Variants in MUC5AC observed in about 807,000 individuals in gnomAD.
MUC5AC encodes mucin-5AC.
In MUC5AC, 158 loss-of-function variants were observed where a neutral mutation model predicts 169.7. The ratio of observed to expected loss-of-function variants is 0.93; its 90% CI spans 0.82 to 1.06. MUC5AC has a LOEUF of 1.06. Among genes scored for constraint, MUC5AC ranks in the 50% least tolerant of loss-of-function variants. MUC5AC has a pLI of 0.00. For synonymous variants in MUC5AC, 1,975 were observed against 1,237.0 expected, an observed-to-expected ratio of 1.60 and a Z score of -12.52; for missense variants, 4,359 against 3,089.9, an observed-to-expected ratio of 1.41 and a Z score of -9.74.
At chr11:1,165,511 G>A in intron 10 of MUC5AC, 92 bp downstream of exon 10, 1 of 1,580,812 alleles carries the variant, frequency 6.3e-7, no homozygotes, top group Non-Finnish European at 8.6e-7. Context: ...TCCCTCGTCT[G>A]GGCTACGGTG....
In MUC5AC at chr11:1,184,822, C is replaced by G. The variant is rs1366867236; in HGVS notation, c.6677C>G (p.Pro2226Arg). 1.5e-6 allele frequency: 1 copy of G among 645,986 alleles called. No individual in the cohort carries two copies. The highest frequency in any genetic ancestry group is 2.8e-6 in the Non-Finnish European group (1 of 360,484). 40.0% of individuals were successfully genotyped at this position (645,986 alleles called of 1,614,324 possible). A position where few individuals can be genotyped will look rare whatever the true frequency, so the allele number is the denominator to read the frequency against. ...TPKGCPVTST[P>R]VTAPSTPSGR... is the part of the protein sequence containing the mutation. Reference sequence around the variant, plus strand: ...AAAGGCTGCCCCGTGACCTCCACACCTGTGACAGCTCCTAGCACCCCTAGT... The same window carrying G: ...AAAGGCTGCCCCGTGACCTCCACACGTGTGACAGCTCCTAGCACCCCTAGT... Residue 2226 changes from proline (P) to arginine (R), a missense_variant, in exon 31 of 49, where the codon CCT becomes CGT. Transcript: ENST00000621226.
chr11:1,164,288 G>T lies in MUC5AC; in HGVS notation c.972G>T (p.Leu324Phe), dbSNP rs977799807. 4 of 1,612,472 alleles carry T rather than the reference G, an allele frequency of 2.5e-6. No individual in the cohort carries two copies. Among genetic ancestry groups the T allele is most frequent in the Non-Finnish European group, 3.4e-6 (4 of 1,179,854 alleles). Residue 324 changes from leucine to phenylalanine, a missense_variant, in exon 8 of 49, where the codon TTG becomes TTT. Transcript: ENST00000621226. ...GGCAGTGCACCCATGCAGGGGGGTTGCCCCAGGACTGGCGGGGCCCTGACT... is the reference window on the plus strand; with the variant it reads ...GGCAGTGCACCCATGCAGGGGGGTTTCCCCAGGACTGGCGGGGCCCTGACT... ...YSRQCTHAGG[L>F]PQDWRGPDFC...
At chr11:1,166,545 AAC>A (rs1338083213) in intron 11 of MUC5AC, among the ~76,000 whole-genome samples, 1 of 113,816 alleles carries the variant, frequency 8.8e-6, no homozygotes, top group Non-Finnish European at 1.8e-5. Context: ...CCCTGCACCC[AAC>A]ACACAGTCTC....
At chr11:1,162,418 G>A in intron 4 of MUC5AC, 114 bp from the exon 5 acceptor site, 1 of 1,091,062 alleles carries the variant, frequency 9.2e-7, no homozygotes, top group Non-Finnish European at 1.3e-6. Context: ...CCCCATCCCA[G>A]ACGCGACTTC....
At position 1,159,268 on chromosome 11, in the gene MUC5AC, TG is replaced by T. The variant is rs1374907478; in HGVS notation, c.73+1200del. 7.9e-5 allele frequency among the ~76,000 whole-genome samples: 12 copies of T among 152,296 alleles called. No individual in the cohort carries two copies. In the East Asian group the frequency reaches 2.3e-3, roughly 29 times the overall value. On this transcript the variant is annotated intron_variant, in intron 1 of 48. Coordinates refer to ENST00000621226, the MANE Select transcript of MUC5AC (RefSeq NM_001304359.2). ...GTTGCGGGAACTGGAAAGCTGGGGC[TG>T]GGGTGCAGGCGAATCACAGCTTTCC...
intron 33 of MUC5AC, 64 bp from the exon 34 acceptor site, chr11:1,194,045 GA>G (rs71025716): frequency 1 from 747,392 of 747,392 alleles, 373,696 homozygotes; most frequent in Non-Finnish European, 1. Context: ...CTGTTGGGAG[GA>G]AAGCCCCAGG....
In MUC5AC at chr11:1,186,784, C is replaced by CT; in HGVS notation, c.8640dup (p.Gly2881TrpfsTer289). The CT allele has an allele frequency of 1.3e-6, 1 of 742,056 alleles. No individual in the cohort carries two copies. Among genetic ancestry groups the CT allele is most frequent in the Non-Finnish European group, 2.5e-6 (1 of 406,272 alleles). 46.0% of individuals were successfully genotyped at this position (742,056 alleles called of 1,614,324 possible). A position where few individuals can be genotyped will look rare whatever the true frequency, so the allele number is the denominator to read the frequency against. On this transcript the variant is annotated frameshift_variant, in exon 31 of 49. Coordinates refer to ENST00000621226, the MANE Select transcript of MUC5AC (RefSeq NM_001304359.2). LOFTEE classifies it high-confidence loss of function. ...GCTACAACCAGCACAACCTCTGGCC[C>CT]TGGAACTACTCCCAGCCCTGTTCCC...
chr11:1,170,547 G>GCCCACTCACCCACTCA lies in MUC5AC; in HGVS notation c.1870+1540_1870+1555dup, dbSNP rs1233355456. The stretch of plus-strand genomic sequence containing the variant: ...CACCCATTCACCCATTCACTCACTC[G>GCCCACTCACCCACTCA]CCCACTCACCCACTCACCCACTCAC... On this transcript the variant is annotated intron_variant, in intron 15 of 48. Transcript: ENST00000621226. Among the ~76,000 whole-genome samples, 4 of 34,744 alleles carry GCCCACTCACCCACTCA rather than the reference G, an allele frequency of 1.2e-4. 1 individual carries two copies. The Admixed American group carries it at 1.2e-3, about 10-fold the overall frequency. 22.8% of individuals were successfully genotyped at this position (34,744 alleles called of 152,430 possible). A position where few individuals can be genotyped will look rare whatever the true frequency, so the allele number is the denominator to read the frequency against.
At chr11:1,163,785 C>T (rs1860216815) in intron 6 of MUC5AC, 97 bp from the exon 7 acceptor site, 1 of 967,716 alleles carries the variant, frequency 1.0e-6, no homozygotes, top group South Asian at 1.4e-5. Flanking sequence ...CTTCTAACCC[C>T]ACCCCAGGGA....
chr11:1,168,174 G>C (rs542149523), intron 12 of MUC5AC, among the ~76,000 whole-genome samples, 187 bp downstream of exon 12: 1 of 152,190 alleles, frequency 6.6e-6, no homozygotes, highest in Non-Finnish European at 1.5e-5. Context: ...GCTCAGGGCC[G>C]GGCCTCCCGG....
At position 1,193,002 on chromosome 11, in the gene MUC5AC, C is replaced by T. The variant is rs1463646801; in HGVS notation, c.14580+20C>T. ...AGAAAGGTAACCCCCTACTTCTCACCCTTCTGAAGGCTCAGGGGCTCCTAC... is the reference window on the plus strand; with the variant it reads ...AGAAAGGTAACCCCCTACTTCTCACTCTTCTGAAGGCTCAGGGGCTCCTAC... On this transcript the variant is annotated intron_variant, in intron 32 of 48. Coordinates refer to ENST00000621226, the MANE Select transcript of MUC5AC (RefSeq NM_001304359.2). 2 of 674,894 alleles carry T rather than the reference C, an allele frequency of 3.0e-6. No homozygotes were observed. The highest frequency in any genetic ancestry group is 5.5e-6 in the Non-Finnish European group (2 of 365,950). 41.8% of individuals were successfully genotyped at this position (674,894 alleles called of 1,614,324 possible). A position where few individuals can be genotyped will look rare whatever the true frequency, so the allele number is the denominator to read the frequency against.
At position 1,167,891 on chromosome 11, in the gene MUC5AC, T is replaced by A. The variant is rs898377427; in HGVS notation, c.1401T>A (p.Ser467Arg). The part of the protein sequence containing the change: ...SYVLTKPCDS[S>R]AFTVLAELRR... ...GTGTTCCGCAGCCCTGTGACAGCAG[T>A]GCCTTCACTGTACTGGCTGAGCTGC... Residue 467 changes from serine (S) to arginine (R), a missense_variant, in exon 12 of 49, where the codon AGT (serine) becomes AGA (arginine). By Grantham distance (110) the Ser-to-Arg change is moderately radical. Coordinates refer to ENST00000621226, the MANE Select transcript of MUC5AC (RefSeq NM_001304359.2). 14 of 1,550,368 alleles carry A rather than the reference T, an allele frequency of 9.0e-6. No individual in the cohort carries two copies. The highest frequency in any genetic ancestry group is 1.2e-5 in the Non-Finnish European group (14 of 1,146,976).
chr11:1,158,598 G>T (rs28463198), intron 1 of MUC5AC, among the ~76,000 whole-genome samples: 1 of 151,912 alleles, frequency 6.6e-6, no homozygotes, highest in Non-Finnish European at 1.5e-5. Context: ...CCCCCGCCCT[G>T]AGGCTAAGAG....
At position 1,186,372 on chromosome 11, in the gene MUC5AC, G is replaced by T; in HGVS notation, c.8227G>T (p.Ala2743Ser). ...TSATTTSTTSAPTPRRTSAPT... is the reference protein window; with the variant it reads ...TSATTTSTTSSPTPRRTSAPT... Reference sequence around the variant, plus strand: ...TGCCACTACAACCAGCACGACCTCTGCTCCTACACCCAGAAGAACCTCAGC... The same window carrying T: ...TGCCACTACAACCAGCACGACCTCTTCTCCTACACCCAGAAGAACCTCAGC... The change falls in exon 31 of 49, where the codon GCT (alanine) becomes TCT (serine). Residue 2743 changes from alanine (A) to serine (S), a missense_variant. Coordinates refer to ENST00000621226, the MANE Select transcript of MUC5AC (RefSeq NM_001304359.2). The T allele has an allele frequency of 1.4e-6, 1 of 711,872 alleles. No homozygotes were observed. Among genetic ancestry groups the T allele is most frequent in the Non-Finnish European group, 2.6e-6 (1 of 390,682 alleles). 44.1% of individuals were successfully genotyped at this position (711,872 alleles called of 1,614,324 possible).
intron 9 of MUC5AC, among the ~76,000 whole-genome samples, 187 bp from the exon 10 acceptor site, chr11:1,165,115 T>C (rs1352058188): frequency 2.2e-5 from 3 of 135,240 alleles, no homozygotes; most frequent in African/African-American, 8.5e-5. Flanking sequence ...CTGAGGCCCC[T>C]GTCCCGGGCC....
At chr11:1,161,494 G>C (rs760668044) in intron 2 of MUC5AC, 33 bp from the exon 3 acceptor site, 1 of 1,547,932 alleles carries the variant, frequency 6.5e-7, no homozygotes, top group Non-Finnish European at 8.7e-7. Context: ...ACGTGGGGCC[G>C]TGCGTGAATC....
At chr11:1,161,733 C>T in intron 3 of MUC5AC, 147 bp downstream of exon 3, 1 of 1,302,822 alleles carries the variant, frequency 7.7e-7, no homozygotes, top group Non-Finnish European at 1.0e-6. Context: ...CAGCATCTCC[C>T]TGCACACGTT....
At chr11:1,164,833 C>T (rs1466171524) in intron 9 of MUC5AC, among the ~76,000 whole-genome samples, 1 of 142,608 alleles carries the variant, frequency 7.0e-6, no homozygotes, top group African/African-American at 2.8e-5. Flanking sequence ...CTGTCCTGGG[C>T]CCCTGAGGCT....
intron 33 of MUC5AC, 131 bp from the exon 34 acceptor site, chr11:1,193,979 G>A (rs1861191372): frequency 3.1e-6 from 2 of 654,990 alleles, no homozygotes; most frequent in Middle Eastern, 3.9e-4. Flanking sequence ...CTGATGACGT[G>A]AGGGTCTTGT....
Sources: gnomAD v4.1 joint callset for allele counts (sites outside exome capture counted in the v4.1 genomes callset) on GRCh38, gnomAD v4.1.1 for gene constraint, MANE v1.5 for transcripts, NCBI Gene and HGNC (gene_info 2026-07-23, HGNC 2026-07-21) for gene names.